CERS3: variants seen among roughly 807,000 people sequenced by gnomAD.
The protein encoded by CERS3 is ceramide synthase 3, also known as LAG1 homolog, ceramide synthase 3.
CERS3 carries 33 observed loss-of-function variants against 50.3 expected under a neutral mutation model. The observed-to-expected ratio is 0.66, with a 90% CI of 0.50 to 0.88. The LOEUF is 0.88. CERS3 is among the 40% of genes least tolerant of loss of function. The pLI is 0.00. For missense variants in CERS3, 470 were observed against 460.3 expected (o/e 1.02, Z -0.19); for synonymous variants, 176 against 155.2 (o/e 1.13, Z -0.99).
chr15:100,472,356 T>C lies in CERS3; in HGVS notation c.738+568A>G, dbSNP rs185806638. Among the ~76,000 whole-genome samples the C allele has an allele frequency of 3.1e-3, 474 of 152,220 alleles. 3 individuals are homozygous for C. Among genetic ancestry groups the C allele is most frequent in the African/African-American group, 0.011 (439 of 41,542 alleles). On this transcript the variant is annotated intron_variant, in intron 9 of 11. Coordinates refer to ENST00000679737, the MANE Select transcript of CERS3 (RefSeq NM_001378789.1). Reference sequence around the variant, plus strand: ...TCCCAACGTGGCTTTGTTTCTTCTATTTTGTGTGGGGTGAGATTAGGAAGA... The same window carrying C: ...TCCCAACGTGGCTTTGTTTCTTCTACTTTGTGTGGGGTGAGATTAGGAAGA...
intron 10 of CERS3, among the ~76,000 whole-genome samples, chr15:100,464,321 T>C (rs1442821063): frequency 1.3e-5 from 2 of 152,214 alleles, no homozygotes; most frequent in Admixed American, 6.5e-5. Flanking sequence ...GACACAAAGA[T>C]CTCTCTACTG....
intron 11 of CERS3, among the ~76,000 whole-genome samples, chr15:100,423,449 C>T (rs952590626): frequency 2.6e-5 from 4 of 152,068 alleles, no homozygotes; most frequent in African/African-American, 9.7e-5. Flanking sequence ...TAAAAAAGAA[C>T]AAAATCATGT....
chr15:100,482,610 T>TA (rs1567651501), intron 5 of CERS3, among the ~76,000 whole-genome samples: 37 of 136,464 alleles, frequency 2.7e-4, no homozygotes, highest in African/African-American at 7.2e-4. Context: ...TTTTTTTTTT[T>TA]TAAAAAAAAG....
chr15:100,405,259 C>A (rs369242604), intron 11 of CERS3, among the ~76,000 whole-genome samples: 1,930 of 134,020 alleles, frequency 0.014, 54 homozygotes, highest in African/African-American at 0.05. Context: ...CAAAAAAAAA[C>A]CCCTAATTTA....
intron 4 of CERS3, among the ~76,000 whole-genome samples, chr15:100,488,538 G>C (rs2035552633): frequency 6.6e-6 from 1 of 152,250 alleles, no homozygotes; most frequent in South Asian, 2.1e-4. Context: ...AGACGAGTTT[G>C]TTTCTGTATC....
At chr15:100,539,544 C>T (rs930105071) in intron 1 of CERS3, among the ~76,000 whole-genome samples, 1 of 152,172 alleles carries the variant, frequency 6.6e-6, no homozygotes, top group African/African-American at 2.4e-5. Flanking sequence ...AAGAAAAGTG[C>T]TGAGTGAAGT....
intron 1 of CERS3, among the ~76,000 whole-genome samples, chr15:100,541,619 T>C (rs1482641270): frequency 2.0e-5 from 3 of 152,228 alleles, no homozygotes; most frequent in Admixed American, 1.3e-4. Flanking sequence ...AGCCTGTTTC[T>C]TTGTTGGGTG....
intron 3 of CERS3, 55 bp downstream of exon 3, chr15:100,501,622 T>A (rs1233434417): frequency 1.4e-6 from 2 of 1,444,776 alleles, no homozygotes; most frequent in Non-Finnish European, 1.9e-6. Flanking sequence ...ACTGTATTAT[T>A]CTAGTGTTAG....
At chr15:100,458,866 A>G (rs2034461527) in intron 10 of CERS3, among the ~76,000 whole-genome samples, 1 of 152,222 alleles carries the variant, frequency 6.6e-6, no homozygotes, top group Admixed American at 6.5e-5. Context: ...AACATGTTAC[A>G]GAGAGCTTTC....
intron 11 of CERS3, among the ~76,000 whole-genome samples, chr15:100,445,822 C>T (rs535812476): frequency 5.3e-5 from 8 of 152,264 alleles, no homozygotes; most frequent in African/African-American, 1.9e-4. Flanking sequence ...TGAGCCCAGG[C>T]TAAGCCATCA....
intron 1 of CERS3, among the ~76,000 whole-genome samples, chr15:100,526,079 T>A (rs939139503): frequency 1.3e-5 from 2 of 152,256 alleles, no homozygotes; most frequent in Non-Finnish European, 2.9e-5. Context: ...CTCTCTGCTA[T>A]GATCTGCAGT....
intron 11 of CERS3, among the ~76,000 whole-genome samples, chr15:100,447,708 C>T (rs2033995905): frequency 6.6e-6 from 1 of 152,216 alleles, no homozygotes; most frequent in Non-Finnish European, 1.5e-5. Context: ...GAGTTAATTT[C>T]TCTTTTTAGC....
At chr15:100,440,629 G>A (rs186699369) in intron 11 of CERS3, among the ~76,000 whole-genome samples, 93 of 152,318 alleles carry the variant, frequency 6.1e-4, no homozygotes, top group Admixed American at 1.8e-3. Context: ...GTGACTGGAG[G>A]GGGGGAACCT....
At chr15:100,516,045 C>T (rs996296204) in intron 2 of CERS3, among the ~76,000 whole-genome samples, 4 of 152,062 alleles carry the variant, frequency 2.6e-5, no homozygotes, top group Non-Finnish European at 4.4e-5. Flanking sequence ...TCACAAAGGG[C>T]CTAAGGTTAG....
intron 9 of CERS3, among the ~76,000 whole-genome samples, chr15:100,470,489 C>T (rs147995591): frequency 0.018 from 2,721 of 151,928 alleles, 35 homozygotes; most frequent in Non-Finnish European, 0.025. Flanking sequence ...GGGTGGGAGA[C>T]GGGTGTGGAG....
intron 1 of CERS3, among the ~76,000 whole-genome samples, chr15:100,522,148 C>G (rs867531629): frequency 6.6e-6 from 1 of 152,194 alleles, no homozygotes; most frequent in Non-Finnish European, 1.5e-5. Flanking sequence ...TGAATTATGT[C>G]GTCAAGTCAG....
At chr15:100,497,876 C>T (rs2035869416) in intron 3 of CERS3, among the ~76,000 whole-genome samples, 1 of 81,268 alleles carries the variant, frequency 1.2e-5, no homozygotes, top group Non-Finnish European at 2.8e-5. Context: ...CACACACACA[C>T]ACACACACAC....
chr15:100,439,293 A>T (rs1282798534), intron 11 of CERS3, among the ~76,000 whole-genome samples: 1 of 152,262 alleles, frequency 6.6e-6, no homozygotes, highest in Admixed American at 6.5e-5. Context: ...TTTTAAAAGT[A>T]TAATCACCTT....
At chr15:100,454,387 C>CAAAAAAA (rs59536958) in intron 11 of CERS3, among the ~76,000 whole-genome samples, 22,450 of 110,002 alleles carry the variant, frequency 0.2, 2,895 homozygotes, top group Non-Finnish European at 0.26. Context: ...AAGGCATTGT[C>CAAAAAAA]AAAAAAAAAA....
Sources: allele counts gnomAD v4.1 joint callset (sites outside exome capture counted in the v4.1 genomes callset), GRCh38; gene constraint gnomAD v4.1.1; transcripts MANE v1.5; gene names NCBI Gene and HGNC (gene_info 2026-07-23, HGNC 2026-07-21).